DDHD2: variants seen among roughly 807,000 people sequenced by gnomAD.
DDHD2 encodes DDHD domain containing 2.
Under a neutral mutation model 91.2 loss-of-function variants are expected in DDHD2, and 62 were observed. The ratio of observed to expected loss-of-function variants is 0.68; its 90% CI spans 0.55 to 0.84. DDHD2 has a LOEUF of 0.84. Among genes scored for constraint, DDHD2 ranks in the 40% least tolerant of loss-of-function variants. DDHD2 has a pLI of 0.00. For missense variants in DDHD2, 740 were observed against 846.9 expected, an observed-to-expected ratio of 0.87 and a Z score of 1.57; for synonymous variants, 271 against 293.9, an observed-to-expected ratio of 0.92 and a Z score of 0.80.
At chr8:38,268,057 T>C in intron 1 of DDHD2, 6 of 1,588,434 alleles carry the variant, frequency 3.8e-6, no homozygotes, top group African/African-American at 1.3e-5. Context: ...CTGAGATGGA[T>C]AGAATCCAAC....
exon 2 of DDHD2, chr8:38,271,359 A>G (rs1563337144): frequency 6.6e-6 from 1 of 152,140 alleles, no homozygotes; most frequent in African/African-American, 2.4e-5. Context: ...CAGAGGTCTC[A>G]ATGTTAAAGT....
intron 5 of DDHD2, among the ~76,000 whole-genome samples, chr8:38,239,848 C>T (rs754877955): frequency 6.6e-6 from 1 of 150,700 alleles, no homozygotes; most frequent in African/African-American, 2.4e-5. Flanking sequence ...GCCTCAGCCT[C>T]GCGAGTAGCT....
downstream of DDHD2, chr8:38,263,227 A>G (rs1807172997): frequency 1.1e-5 from 2 of 185,608 alleles, no homozygotes; most frequent in Admixed American, 6.5e-5. Context: ...TATAATCACA[A>G]TAAAGAGAAA....
downstream of DDHD2, chr8:38,271,395 T>C (rs1257347442): frequency 1.3e-5 from 2 of 151,882 alleles, no homozygotes; most frequent in African/African-American, 4.8e-5. Flanking sequence ...GTGGTAAACA[T>C]TATCCCCCCC....
chr8:38,253,911 C>G (rs539090735), intron 16 of DDHD2, among the ~76,000 whole-genome samples, 193 bp downstream of exon 16: 1 of 152,110 alleles, frequency 6.6e-6, no homozygotes, highest in South Asian at 2.1e-4. Flanking sequence ...AAGACCTCAT[C>G]TCTACAAAAA....
At position 38,237,580 on chromosome 8, in the gene DDHD2, A is replaced by C; in HGVS notation, c.454A>C (p.Lys152Gln). Residue 152 changes from lysine to glutamine, a missense_variant, in exon 4 of 18, where the codon AAA becomes CAA. By Grantham distance (53) the Lys-to-Gln change is moderately conservative (BLOSUM62 1). Transcript: ENST00000397166. ...TGTAACTTTGGATGAATGGAAAAAG[A>C]AACTGGAATCTCCCAACAGAGAAAT... is the stretch of plus-strand genomic sequence containing the variant. The part of the protein sequence containing the change: ...LAVTLDEWKK[K>Q]LESPNREIII... 1 of 1,598,230 alleles carries C rather than the reference A, an allele frequency of 6.3e-7. No homozygotes were observed. Among genetic ancestry groups the C allele is most frequent in the Non-Finnish European group, 8.5e-7 (1 of 1,172,218 alleles).
At chr8:38,266,106 T>C (rs1413813353), downstream of DDHD2, 3 of 1,598,526 alleles carry the variant, frequency 1.9e-6, no homozygotes, top group Non-Finnish European at 2.6e-6. Flanking sequence ...ATGAGTGAAA[T>C]ATGCAAGCTT....
chr8:38,272,916 AAATAGGTCAACATTG>A (rs1314867657), downstream of DDHD2: 1 of 152,252 alleles, frequency 6.6e-6, no homozygotes, highest in Non-Finnish European at 1.5e-5. Flanking sequence ...AAAATATATC[AAATAGGTCAACATTG>A]ACGCTATGGA....
intron 7 of DDHD2, among the ~76,000 whole-genome samples, chr8:38,244,502 C>T (rs1033417617): frequency 1.5e-4 from 23 of 149,868 alleles, no homozygotes; most frequent in South Asian, 6.4e-4. Context: ...ATGATCTGCC[C>T]GCCTCAGCCT....
At chr8:38,244,010 T>G (rs1398481589) in intron 7 of DDHD2, among the ~76,000 whole-genome samples, 1 of 151,182 alleles carries the variant, frequency 6.6e-6, no homozygotes, top group Non-Finnish European at 1.5e-5. Flanking sequence ...TCCACGTTGG[T>G]CAGGCTGGTC....
chr8:38,268,588 C>G, intron 1 of DDHD2: 1 of 1,455,352 alleles, frequency 6.9e-7, no homozygotes, highest in African/African-American at 1.4e-5. Context: ...TGCGCGTAAC[C>G]GGGCGCCAGG....
intron 6 of DDHD2, among the ~76,000 whole-genome samples, chr8:38,240,931 C>T (rs1029613279): frequency 6.6e-6 from 1 of 151,906 alleles, no homozygotes; most frequent in Non-Finnish European, 1.5e-5. Flanking sequence ...ATTAGCCGGG[C>T]GCAGTGGCAG....
At chr8:38,234,158 A>T (rs1804514752) in intron 2 of DDHD2, among the ~76,000 whole-genome samples, 1 of 152,220 alleles carries the variant, frequency 6.6e-6, no homozygotes, top group East Asian at 1.9e-4. Flanking sequence ...CCAGAAAAAG[A>T]ACAAAACTGG....
At position 38,237,116 on chromosome 8, in the gene DDHD2, T is replaced by C. The variant is rs570952679; in HGVS notation, c.412-422T>C. Reference sequence around the variant, plus strand: ...ATAGGCTGGGTGCTGTGGCTCATGCTTGTAATCCCAGCACTTTGGGAGGCC... The same window carrying C: ...ATAGGCTGGGTGCTGTGGCTCATGCCTGTAATCCCAGCACTTTGGGAGGCC... On this transcript the variant is annotated intron_variant, in intron 3 of 17. Coordinates refer to ENST00000397166, the MANE Select transcript of DDHD2 (RefSeq NM_015214.3). 2.0e-5 allele frequency among the ~76,000 whole-genome samples: 3 copies of C among 152,188 alleles called. No homozygotes were observed. In the East Asian group the frequency reaches 5.8e-4, roughly 29 times the overall value.
At chr8:38,236,766 C>T (rs751076525) in intron 3 of DDHD2, among the ~76,000 whole-genome samples, 6 of 151,870 alleles carry the variant, frequency 4.0e-5, no homozygotes, top group African/African-American at 9.7e-5. Flanking sequence ...GTGATCCACC[C>T]GCCTTGGCCT....
chr8:38,240,288 A>C lies in DDHD2; in HGVS notation c.636A>C (p.Gln212His), dbSNP rs763289130. Residue 212 changes from glutamine (Q) to histidine (H), a missense_variant, in exon 6 of 18, where the codon CAA (glutamine) becomes CAC (histidine). Gln to His is a conservative substitution (Grantham distance 24). This residue lies in a region of DDHD2 where 693 missense variants were observed against 764.2 expected (regional missense o/e 0.91). Coordinates refer to ENST00000397166, the MANE Select transcript of DDHD2 (RefSeq NM_015214.3). The part of the protein sequence containing the change: ...SVDIHCGEPL[Q>H]IDHLVFVVHG... ...TTTCATTTATAGGAGAACCTTTACA[A>C]ATAGATCACTTGGTTTTTGTAGTCC... The C allele has an allele frequency of 1.6e-5, 25 of 1,606,166 alleles. No individual in the cohort carries two copies. The highest frequency in any genetic ancestry group is 2.1e-5 in the Non-Finnish European group (25 of 1,173,872).
downstream of DDHD2, among the ~76,000 whole-genome samples, chr8:38,266,781 G>A (rs1455186728): frequency 6.6e-6 from 1 of 152,116 alleles, no homozygotes; most frequent in African/African-American, 2.4e-5. Flanking sequence ...GAAAAATGAA[G>A]GACTTAGTGC....
intron 11 of DDHD2, chr8:38,250,106 G>A (rs567220497): frequency 1.2e-5 from 2 of 173,158 alleles, no homozygotes; most frequent in East Asian, 3.1e-4. Context: ...TAATAGAGAC[G>A]GTGTTTCACC....
intron 10 of DDHD2, among the ~76,000 whole-genome samples, chr8:38,248,543 T>C (rs1387678339): frequency 2.0e-5 from 3 of 152,104 alleles, no homozygotes; most frequent in African/African-American, 4.8e-5. Context: ...AAGACACATG[T>C]TAAATAATCA....
Sources: allele counts gnomAD v4.1 joint callset (sites outside exome capture counted in the v4.1 genomes callset), GRCh38; gene constraint gnomAD v4.1.1; regional missense constraint gnomAD v4.1.1; transcripts MANE v1.5; gene names NCBI Gene and HGNC (gene_info 2026-07-23, HGNC 2026-07-21).